TDRP: variants seen among roughly 807,000 people sequenced by gnomAD.
The protein encoded by TDRP is testis development-related protein.
A neutral mutation model predicts 10.5 loss-of-function variants in TDRP; 12 were observed. The observed-to-expected ratio is 1.15, with a 90% CI of 0.73 to 1.86. The LOEUF (loss-of-function observed/expected upper bound fraction) is 1.86. Ranked by LOEUF, TDRP falls within the 40% of genes most tolerant of loss-of-function variation. The pLI is 0.00. For missense variants in TDRP, 353 were observed against 229.2 expected (o/e 1.54, Z -3.49); for synonymous variants, 139 against 95.4 (o/e 1.46, Z -2.67).
intron 1 of TDRP, among the ~76,000 whole-genome samples, chr8:506,647 G>A (rs951971002): frequency 8.5e-5 from 13 of 152,158 alleles, no homozygotes; most frequent in Non-Finnish European, 1.6e-4. Context: ...CCCCACTACG[G>A]CAAATGCTCA....
At chr8:523,596 G>A (rs1801960552) in intron 1 of TDRP, among the ~76,000 whole-genome samples, 1 of 152,180 alleles carries the variant, frequency 6.6e-6, no homozygotes, top group African/African-American at 2.4e-5. Flanking sequence ...CCTAGGCCTT[G>A]CAGCATTCAC....
Position 491,962 on chromosome 8 carries a change from CT to C in TDRP, c.*436del. 9.0e-7 allele frequency: 1 copy of C among 1,113,912 alleles called. No individual in the cohort carries two copies. The highest frequency in any genetic ancestry group is 1.1e-6 in the Non-Finnish European group (1 of 915,004). 69.0% of individuals were successfully genotyped at this position (1,113,912 alleles called of 1,614,324 possible). A position where few individuals can be genotyped will look rare whatever the true frequency, so the allele number is the denominator to read the frequency against. ...AACTTTGGAAGATTCATCTTACCTC[CT>C]GACTAATTTTCTAGCAAAAGAAAAG... is the stretch of plus-strand genomic sequence containing the variant. On this transcript the variant is annotated 3_prime_UTR_variant, in exon 3 of 3. Coordinates refer to ENST00000324079, the MANE Select transcript of TDRP (RefSeq NM_001384899.1).
intron 1 of TDRP, among the ~76,000 whole-genome samples, chr8:516,480 G>T (rs1364255991): frequency 2.0e-5 from 3 of 152,148 alleles, no homozygotes; most frequent in Admixed American, 6.5e-5. Context: ...CCAAAGACAT[G>T]GAGATGGTAA....
intron 1 of TDRP, among the ~76,000 whole-genome samples, chr8:525,808 T>C (rs983161928): frequency 2.6e-4 from 39 of 151,816 alleles, no homozygotes; most frequent in African/African-American, 9.0e-4. Flanking sequence ...ATGGCAGGAG[T>C]AAGTCATTAT....
At position 501,847 on chromosome 8, in the gene TDRP, C is replaced by T. The variant is rs914412416; in HGVS notation, c.109-7250G>A. On this transcript the variant is annotated intron_variant, in intron 1 of 2. Coordinates refer to ENST00000324079, the MANE Select transcript of TDRP (RefSeq NM_001384899.1). ...CACTGGCGTCCCTGCAGTCATGGGC[C>T]CAGAAATACAGCTCTTTGTGAAGAT... Among the ~76,000 whole-genome samples, 7 of 152,104 alleles carry T rather than the reference C, an allele frequency of 4.6e-5. No individual in the cohort carries two copies. The South Asian group carries it at 1.0e-3, about 23-fold the overall frequency.
chr8:531,634 CTT>C (rs1237479830), intron 1 of TDRP, among the ~76,000 whole-genome samples: 1 of 152,188 alleles, frequency 6.6e-6, no homozygotes, highest in Non-Finnish European at 1.5e-5. Context: ...TACAGACTGT[CTT>C]TTCTCTAAAA....
intron 1 of TDRP, among the ~76,000 whole-genome samples, chr8:513,070 C>A (rs574470044): frequency 6.7e-6 from 1 of 149,052 alleles, no homozygotes; most frequent in East Asian, 2.0e-4. Context: ...TAAATCCTAC[C>A]AACTATTTAA....
intron 1 of TDRP, among the ~76,000 whole-genome samples, chr8:502,025 G>C (rs1584856129): frequency 6.6e-6 from 1 of 152,206 alleles, no homozygotes; most frequent in East Asian, 1.9e-4. Flanking sequence ...TCTGGGAAGA[G>C]TGAAAGCACA....
intron 1 of TDRP, among the ~76,000 whole-genome samples, chr8:508,418 G>A (rs113804629): frequency 3.9e-5 from 6 of 152,292 alleles, no homozygotes; most frequent in African/African-American, 9.6e-5. Context: ...TGGCTGGGAA[G>A]GCCTCAGGAA....
At position 491,702 on chromosome 8, in the gene TDRP, G is replaced by A; in HGVS notation, c.*697C>T. 4 of 1,489,356 alleles carry A rather than the reference G, an allele frequency of 2.7e-6. No individual in the cohort carries two copies. The highest frequency in any genetic ancestry group is 1.3e-5 in the South Asian group (1 of 75,098). The allele number at this position is 1,489,356 out of a possible 1,614,324, so 92.3% of individuals were successfully genotyped here. A position where few individuals can be genotyped will look rare whatever the true frequency, so the allele number is the denominator to read the frequency against. On this transcript the variant is annotated 3_prime_UTR_variant, in exon 3 of 3. Coordinates refer to ENST00000324079, the MANE Select transcript of TDRP (RefSeq NM_001384899.1). ...ACAAAAAAGAGAGCAAATGTTTTAA[G>A]AAAATAAAGGGACCGATTTAGAAGT...
intron 1 of TDRP, among the ~76,000 whole-genome samples, chr8:541,639 A>C (rs1405120207): frequency 6.6e-6 from 1 of 152,242 alleles, no homozygotes; most frequent in African/African-American, 2.4e-5. Context: ...CACAGATGAC[A>C]AGTATGCGTC....
At chr8:508,390 A>C (rs1054650617) in intron 1 of TDRP, among the ~76,000 whole-genome samples, 2 of 152,234 alleles carry the variant, frequency 1.3e-5, no homozygotes, top group Non-Finnish European at 2.9e-5. Flanking sequence ...AAAGCAGTTT[A>C]ATTGACTCAG....
chr8:524,694 T>G (rs141074908), intron 1 of TDRP, among the ~76,000 whole-genome samples: 34 of 152,148 alleles, frequency 2.2e-4, no homozygotes, highest in African/African-American at 7.7e-4. Context: ...GTCTCAAAAG[T>G]AGAATTGATG....
At chr8:502,379 C>T (rs1473433222) in intron 1 of TDRP, among the ~76,000 whole-genome samples, 4 of 152,192 alleles carry the variant, frequency 2.6e-5, no homozygotes, top group Admixed American at 6.5e-5. Flanking sequence ...GGCCCGCAGC[C>T]GTGTTCACCA....
At chr8:515,548 G>A (rs1419862394) in intron 1 of TDRP, among the ~76,000 whole-genome samples, 7 of 152,126 alleles carry the variant, frequency 4.6e-5, no homozygotes, top group Non-Finnish European at 1.0e-4. Flanking sequence ...CATTCAAAAA[G>A]TTTTGAATTT....
intron 1 of TDRP, among the ~76,000 whole-genome samples, chr8:524,395 G>A (rs569741564): frequency 5.3e-5 from 8 of 152,156 alleles, no homozygotes; most frequent in Non-Finnish European, 1.0e-4. Context: ...AGACACACAC[G>A]AACATCCACA....
At chr8:508,789 A>C (rs1031425696) in intron 1 of TDRP, among the ~76,000 whole-genome samples, 1 of 152,238 alleles carries the variant, frequency 6.6e-6, no homozygotes, top group African/African-American at 2.4e-5. Context: ...AATTCATTTC[A>C]GCATTAACTC....
intron 1 of TDRP, among the ~76,000 whole-genome samples, chr8:516,033 T>G (rs963096828): frequency 1.3e-5 from 2 of 152,096 alleles, no homozygotes; most frequent in Non-Finnish European, 2.9e-5. Context: ...AAAATTACAT[T>G]AAAAACAAGA....
At chr8:503,290 C>G (rs1308636965) in intron 1 of TDRP, among the ~76,000 whole-genome samples, 2 of 150,964 alleles carry the variant, frequency 1.3e-5, no homozygotes, top group African/African-American at 4.9e-5. Context: ...ACGTCCACCT[C>G]AGCACACGCC....
Sources: allele counts gnomAD v4.1 joint callset (sites outside exome capture counted in the v4.1 genomes callset), GRCh38; gene constraint gnomAD v4.1.1; transcripts MANE v1.5; gene names NCBI Gene and HGNC (gene_info 2026-07-23, HGNC 2026-07-21).